The following FNBP4 variants were observed in gnomAD, a reference collection of about 807,000 sequenced individuals.
FNBP4 encodes the protein formin binding protein 4.
In FNBP4, 34 loss-of-function variants were observed where a neutral mutation model predicts 119.3. The observed-to-expected ratio is 0.28, with a 90% CI of 0.22 to 0.38. The LOEUF is 0.38. Among genes scored for constraint, FNBP4 ranks in the 10% least tolerant of loss-of-function variants. FNBP4 has a pLI of 1.00. For synonymous variants in FNBP4, 462 were observed against 430.6 expected (o/e 1.07, Z -0.90); for missense variants, 1,112 against 1,228.9 (o/e 0.90, Z 1.42).
At chr11:47,753,190 A>C in intron 3 of FNBP4, 88 bp from the exon 4 acceptor site, 1 of 1,106,568 alleles carries the variant, frequency 9.0e-7, no homozygotes, top group Non-Finnish European at 1.3e-6. Context: ...AAAATTCTAC[A>C]TGAGCCGGGC....
rs891940416 is a variant in FNBP4 at position 47,716,499 on chromosome 11, G to A, written c.*923C>T. Reference sequence around the variant, plus strand: ...CATAATCAGAATAACAGGAGTTGACGAGCAAAAGGATAACCCATCAGGATT... The same window carrying A: ...CATAATCAGAATAACAGGAGTTGACAAGCAAAAGGATAACCCATCAGGATT... On this transcript the variant is annotated 3_prime_UTR_variant, in exon 17 of 17. Coordinates refer to ENST00000263773, the MANE Select transcript of FNBP4 (RefSeq NM_015308.5). The A allele has an allele frequency of 3.3e-5, 5 of 152,550 alleles. No individual in the cohort carries two copies. Among genetic ancestry groups the A allele is most frequent in the Admixed American group, 6.5e-5 (1 of 15,272 alleles). The allele number at this position is 152,550 out of a possible 1,614,324, so 9.4% of individuals were successfully genotyped here.
At chr11:47,760,462 C>A (rs1217428726) in intron 2 of FNBP4, among the ~76,000 whole-genome samples, 1 of 147,610 alleles carries the variant, frequency 6.8e-6, no homozygotes, top group Non-Finnish European at 1.5e-5. Context: ...GAGATGGAGT[C>A]TCACTGTCAC....
chr11:47,736,554 C>T lies in FNBP4; in HGVS notation c.1581+62G>A, dbSNP rs145758100. 4,827 of 1,347,264 alleles carry T rather than the reference C, an allele frequency of 3.6e-3. 17 individuals are homozygous for T. The highest frequency in any genetic ancestry group is 7.2e-3 in the Middle Eastern group (27 of 3,750). 83.5% of individuals were successfully genotyped at this position (1,347,264 alleles called of 1,614,324 possible). On this transcript the variant is annotated intron_variant, in intron 9 of 16. Transcript: ENST00000263773. ...CAGCCTGGGTGACAGAGCAAGACTC[C>T]GTCTCAAAATAATGATAATAATAAT...
chr11:47,747,549 T>A (rs1475280762), intron 6 of FNBP4, among the ~76,000 whole-genome samples: 1 of 152,134 alleles, frequency 6.6e-6, no homozygotes, highest in Non-Finnish European at 1.5e-5. Flanking sequence ...TCAGGTGATC[T>A]GCCCACCTCA....
In FNBP4 at chr11:47,765,374, AAAAAGAAAAGAAAAGAAAAG is replaced by A. The variant is rs3842251; in HGVS notation, c.221-32_221-13del. ...CGCTTCCTGTTCATCTGGATTAAAA[AAAAAGAAAAGAAAAGAAAAG>A]AAAAGAAAAGAAAAGAAAAGAAAAC... is the stretch of plus-strand genomic sequence containing the variant. On this transcript the variant is annotated splice_polypyrimidine_tract_variant and intron_variant, in intron 1 of 16. Coordinates refer to ENST00000263773, the MANE Select transcript of FNBP4 (RefSeq NM_015308.5). 1.5e-5 allele frequency: 15 copies of A among 1,033,518 alleles called. No homozygotes were observed. The highest frequency in any genetic ancestry group is 9.9e-5 in the East Asian group (4 of 40,224). The allele number at this position is 1,033,518 out of a possible 1,614,324, so 64.0% of individuals were successfully genotyped here. A position where few individuals can be genotyped will look rare whatever the true frequency, so the allele number is the denominator to read the frequency against.
chr11:47,742,852 T>C (rs1221475574), intron 8 of FNBP4, among the ~76,000 whole-genome samples: 4 of 152,044 alleles, frequency 2.6e-5, no homozygotes, highest in Non-Finnish European at 5.9e-5. Context: ...ACTGCACCAT[T>C]GCACTCCAGC....
intron 8 of FNBP4, among the ~76,000 whole-genome samples, chr11:47,740,063 G>A (rs1599201562): frequency 1.3e-5 from 2 of 152,062 alleles, no homozygotes; most frequent in African/African-American, 2.4e-5. Context: ...GTCTCCCAAA[G>A]TGCTTGGATT....
intron 2 of FNBP4, among the ~76,000 whole-genome samples, chr11:47,757,614 C>T (rs2097622296): frequency 6.6e-6 from 1 of 152,136 alleles, no homozygotes; most frequent in African/African-American, 2.4e-5. Context: ...CTGCCTCAGC[C>T]TCCCGAGTAG....
At chr11:47,745,239 G>A (rs1200200708) in intron 7 of FNBP4, among the ~76,000 whole-genome samples, 4 of 152,164 alleles carry the variant, frequency 2.6e-5, no homozygotes, top group African/African-American at 9.7e-5. Context: ...CTCACTGCCT[G>A]CAGGGTCAGG....
chr11:47,753,245 C>T (rs1599242104), intron 3 of FNBP4, 143 bp from the exon 4 acceptor site: 2 of 561,126 alleles, frequency 3.6e-6, no homozygotes, highest in African/African-American at 1.9e-5. Context: ...GAGGCTGAGA[C>T]AGGTGGATCA....
chr11:47,760,533 G>A (rs1012813054), intron 2 of FNBP4, among the ~76,000 whole-genome samples: 37 of 151,532 alleles, frequency 2.4e-4, no homozygotes, highest in African/African-American at 8.5e-4. Flanking sequence ...CCGTGTTCAA[G>A]CGATTTTCCT....
chr11:47,723,271 T>TG lies in FNBP4; in HGVS notation c.2509dup (p.His837ProfsTer7). 1 of 1,613,672 alleles carries TG rather than the reference T, an allele frequency of 6.2e-7. No homozygotes were observed. Among genetic ancestry groups the TG allele is most frequent in the Non-Finnish European group, 8.5e-7 (1 of 1,179,620 alleles). On this transcript the variant is annotated frameshift_variant, in exon 15 of 17. Coordinates refer to ENST00000263773, the MANE Select transcript of FNBP4 (RefSeq NM_015308.5). LOFTEE classifies it high-confidence loss of function. ...TGGAAGGCTAACTGGTATTGTCTGA[T>TG]GTCCAATTCCTGTTGCCTGGTTTCC...
chr11:47,721,312 C>G (rs909979187), intron 15 of FNBP4, among the ~76,000 whole-genome samples: 1 of 151,212 alleles, frequency 6.6e-6, no homozygotes, highest in South Asian at 2.1e-4. Flanking sequence ...ATCAATGGGG[C>G]GAGGCATGGT....
At chr11:47,725,905 G>A (rs1376160479) in intron 12 of FNBP4, 1 of 509,888 alleles carries the variant, frequency 2.0e-6, no homozygotes, top group Non-Finnish European at 2.5e-6. Context: ...TCAGTTAAAG[G>A]TAATGAAACC....
intron 9 of FNBP4, among the ~76,000 whole-genome samples, chr11:47,736,218 A>T (rs1415054421): frequency 7.2e-6 from 1 of 139,516 alleles, no homozygotes. Context: ...TCCAGCCTGG[A>T]TGGCAGAGCA....
chr11:47,757,745 C>T (rs976141601), intron 2 of FNBP4, among the ~76,000 whole-genome samples: 19 of 152,146 alleles, frequency 1.2e-4, no homozygotes, highest in African/African-American at 4.1e-4. Context: ...CTGCCCACCT[C>T]GGCCTCCCAA....
chr11:47,755,221 G>A (rs894256396), intron 2 of FNBP4, among the ~76,000 whole-genome samples: 2 of 151,160 alleles, frequency 1.3e-5, no homozygotes, highest in Admixed American at 6.6e-5. Flanking sequence ...AGGCTGAGGC[G>A]GGCAGATCAC....
intron 12 of FNBP4, among the ~76,000 whole-genome samples, chr11:47,727,328 C>T (rs56410175): frequency 0.011 from 1,603 of 151,828 alleles, 24 homozygotes; most frequent in Admixed American, 0.021. Flanking sequence ...TGGCTCACCG[C>T]AACCTCTGCC....
chr11:47,754,871 G>A (rs879584043), intron 2 of FNBP4, among the ~76,000 whole-genome samples: 1 of 152,144 alleles, frequency 6.6e-6, no homozygotes, highest in Non-Finnish European at 1.5e-5. Flanking sequence ...GCCTGGTGCA[G>A]TGGCTCAACG....
Sources: allele counts gnomAD v4.1 joint callset (sites outside exome capture counted in the v4.1 genomes callset), GRCh38; gene constraint gnomAD v4.1.1; transcripts MANE v1.5; gene names NCBI Gene and HGNC (gene_info 2026-07-23, HGNC 2026-07-21).